The following CYTH3 variants were observed in gnomAD, a reference collection of about 807,000 sequenced individuals.
CYTH3 encodes the protein cytohesin-3.
CYTH3 carries 23 observed loss-of-function variants against 55.1 expected under a neutral mutation model. The observed-to-expected ratio is 0.42, with a 90% CI of 0.30 to 0.59. CYTH3 has a LOEUF of 0.59. Among genes scored for constraint, CYTH3 ranks in the 20% least tolerant of loss-of-function variants. The pLI, the probability that CYTH3 is intolerant of heterozygous loss-of-function variation, is 0.20. For synonymous variants in CYTH3, 249 were observed against 194.9 expected (o/e 1.28, Z -2.31); for missense variants, 413 against 524.8 (o/e 0.79, Z 2.08).
chr7:6,206,878 G>A (rs1423686872), intron 1 of CYTH3, among the ~76,000 whole-genome samples: 1 of 152,054 alleles, frequency 6.6e-6, no homozygotes, highest in Non-Finnish European at 1.5e-5. Context: ...TCCCAGCAGC[G>A]TTTTAAGGGA....
intron 1 of CYTH3, among the ~76,000 whole-genome samples, chr7:6,199,280 C>T (rs978970177): frequency 6.6e-6 from 1 of 152,140 alleles, no homozygotes; most frequent in Non-Finnish European, 1.5e-5. Context: ...ATTTAAAGTA[C>T]TTAAGTGTGG....
chr7:6,218,803 G>A lies in CYTH3; in HGVS notation c.35-28272C>T, dbSNP rs574344926. ...GGGCAGGTCACGAGGTCAGGAGATC[G>A]AGACCATCCTGGCCAACATGGCGAA... On this transcript the variant is annotated intron_variant, in intron 1 of 12. Coordinates refer to ENST00000350796, the MANE Select transcript of CYTH3 (RefSeq NM_004227.4). 2.0e-4 allele frequency among the ~76,000 whole-genome samples: 31 copies of A among 152,120 alleles called. No individual in the cohort carries two copies. The East Asian group carries it at 4.8e-3, about 24-fold the overall frequency.
At chr7:6,250,829 T>A (rs1282579868) in intron 1 of CYTH3, among the ~76,000 whole-genome samples, 1 of 152,204 alleles carries the variant, frequency 6.6e-6, no homozygotes, top group Non-Finnish European at 1.5e-5. Flanking sequence ...TAATGGCATG[T>A]GGATTATAGT....
chr7:6,206,993 T>A (rs561224379), intron 1 of CYTH3, among the ~76,000 whole-genome samples: 38 of 152,098 alleles, frequency 2.5e-4, no homozygotes, highest in African/African-American at 8.9e-4. Flanking sequence ...ATTATTTTTA[T>A]GTCCTGTTTA....
chr7:6,227,037 G>C (rs995494898), intron 1 of CYTH3, among the ~76,000 whole-genome samples: 4 of 148,428 alleles, frequency 2.7e-5, no homozygotes, highest in Non-Finnish European at 4.4e-5. Context: ...CTGAGATCGC[G>C]CCACTGCACT....
chr7:6,192,945 T>A (rs1313118579), intron 1 of CYTH3, among the ~76,000 whole-genome samples: 1 of 151,376 alleles, frequency 6.6e-6, no homozygotes, highest in Non-Finnish European at 1.5e-5. Context: ...CAGAGACAGG[T>A]GGATCACCTG....
chr7:6,227,586 T>C (rs1023927392), intron 1 of CYTH3, among the ~76,000 whole-genome samples: 4 of 152,184 alleles, frequency 2.6e-5, no homozygotes, highest in African/African-American at 9.7e-5. Context: ...AGGATGCCAC[T>C]ATCAGGGCCC....
At position 6,171,606 on chromosome 7, in the gene CYTH3, T is replaced by C. The variant is rs1300735820; in HGVS notation, c.450-292A>G. Reference sequence around the variant, plus strand: ...TAAATATCCAGGATCCTGGCACTTCTCTGTCCCCATTGCCACCATCTCCTG... The same window carrying C: ...TAAATATCCAGGATCCTGGCACTTCCCTGTCCCCATTGCCACCATCTCCTG... On this transcript the variant is annotated intron_variant, in intron 6 of 12. Transcript: ENST00000350796. This position sits in a 1 kb window ranked among gnomAD's most constrained non-coding sequence, Gnocchi z 6.7. 1 of 339,416 alleles carries C rather than the reference T, an allele frequency of 2.9e-6. No individual in the cohort carries two copies. Among genetic ancestry groups the C allele is most frequent in the African/African-American group, 2.1e-5 (1 of 47,648 alleles). The allele number at this position is 339,416 out of a possible 1,614,324, so 21.0% of individuals were successfully genotyped here.
intron 1 of CYTH3, among the ~76,000 whole-genome samples, chr7:6,235,087 C>A (rs530344777): frequency 2.0e-4 from 31 of 152,150 alleles, no homozygotes; most frequent in African/African-American, 7.0e-4. Context: ...CTTTGCCATG[C>A]GCATGTATAT....
rs1467303082 is a variant in CYTH3 at position 6,172,915 on chromosome 7, G to A, written c.449+738C>T. ...GCCAACATTGCAGTCTGCAGTTGAGGTAAGGCCATGAGCAAACAGTCCACG... is the reference window on the plus strand; with the variant it reads ...GCCAACATTGCAGTCTGCAGTTGAGATAAGGCCATGAGCAAACAGTCCACG... On this transcript the variant is annotated intron_variant, in intron 6 of 12. Transcript: ENST00000350796. The A allele has an allele frequency of 4.1e-6, 5 of 1,208,482 alleles. No homozygotes were observed. The Admixed American group carries it at 8.6e-5, about 21-fold the overall frequency. The allele number at this position is 1,208,482 out of a possible 1,614,324, so 74.9% of individuals were successfully genotyped here.
At position 6,162,791 on chromosome 7, in the gene CYTH3, A is replaced by G. The variant is rs936957463; in HGVS notation, c.*2153T>C. The G allele has an allele frequency of 1.3e-5, 2 of 152,308 alleles. No individual in the cohort carries two copies. Among genetic ancestry groups the G allele is most frequent in the Non-Finnish European group, 2.9e-5 (2 of 68,026 alleles). 9.4% of individuals were successfully genotyped at this position (152,308 alleles called of 1,614,324 possible). A position where few individuals can be genotyped will look rare whatever the true frequency, so the allele number is the denominator to read the frequency against. On this transcript the variant is annotated 3_prime_UTR_variant, in exon 13 of 13. Coordinates refer to ENST00000350796, the MANE Select transcript of CYTH3 (RefSeq NM_004227.4). ...ACTCCTTCCTGCTGCTTCTCCCAAC[A>G]CCCAAAACAGAAAGCTCTGCATCCC...
At chr7:6,179,721 CCACACACACACA>C (rs1328242628) in intron 4 of CYTH3, among the ~76,000 whole-genome samples, 24 of 114,144 alleles carry the variant, frequency 2.1e-4, no homozygotes, top group African/African-American at 8.1e-4. Context: ...ACCCCACACA[CCACACACACACA>C]CCCACCACAC....
In CYTH3 at chr7:6,162,399, C is replaced by T. The variant is rs1420925928; in HGVS notation, c.*2545G>A. Reference sequence around the variant, plus strand: ...TTGGCCAGAGTTGGGACTAACAATTCAAGCCCTGCGCTCAGACGTCAGGGT... The same window carrying T: ...TTGGCCAGAGTTGGGACTAACAATTTAAGCCCTGCGCTCAGACGTCAGGGT... On this transcript the variant is annotated 3_prime_UTR_variant, in exon 13 of 13. Transcript: ENST00000350796. 6.6e-6 allele frequency: 1 copy of T among 152,304 alleles called. No individual in the cohort carries two copies. 9.4% of individuals were successfully genotyped at this position (152,304 alleles called of 1,614,324 possible).
chr7:6,209,084 T>A (rs770569787), intron 1 of CYTH3, among the ~76,000 whole-genome samples: 5 of 152,240 alleles, frequency 3.3e-5, no homozygotes, highest in African/African-American at 1.2e-4. Context: ...ATGCAACAGA[T>A]AGAGAGGCAA....
At chr7:6,243,947 T>C (rs1644586070) in intron 1 of CYTH3, among the ~76,000 whole-genome samples, 1 of 152,226 alleles carries the variant, frequency 6.6e-6, no homozygotes, top group Non-Finnish European at 1.5e-5. Flanking sequence ...TCTCTCCTGT[T>C]AGGAATATAC....
chr7:6,211,939 T>C (rs1052555792), intron 1 of CYTH3, among the ~76,000 whole-genome samples: 2 of 152,164 alleles, frequency 1.3e-5, no homozygotes, highest in African/African-American at 4.8e-5. Context: ...TGAGCTGAGA[T>C]TGTGCCACTG....
intron 1 of CYTH3, among the ~76,000 whole-genome samples, chr7:6,198,118 A>G (rs993922650): frequency 7.2e-6 from 1 of 138,140 alleles, no homozygotes; most frequent in Non-Finnish European, 1.6e-5. Flanking sequence ...AAAGGAAAAA[A>G]AAAACTTTCA....
At chr7:6,248,460 G>C (rs775854172) in intron 1 of CYTH3, among the ~76,000 whole-genome samples, 4 of 152,142 alleles carry the variant, frequency 2.6e-5, no homozygotes, top group Non-Finnish European at 5.9e-5. Flanking sequence ...TTGTTTTCTA[G>C]TTTCTGCATC....
intron 1 of CYTH3, 64 bp downstream of exon 1, chr7:6,272,410 G>GGGGGGGGGGGGGGCC: frequency 8.2e-7 from 1 of 1,216,616 alleles, no homozygotes; most frequent in Non-Finnish European, 1.1e-6. Flanking sequence ...CCGCGCCCTC[G>GGGGGGGGGGGGGGCC]ACCCCCAGCC....
Sources: allele counts gnomAD v4.1 joint callset (sites outside exome capture counted in the v4.1 genomes callset), GRCh38; gene constraint gnomAD v4.1.1; non-coding constraint Gnocchi (gnomAD v3.1); transcripts MANE v1.5; gene names NCBI Gene and HGNC (gene_info 2026-07-23, HGNC 2026-07-21).